The following COLEC12 variants were observed in gnomAD, a reference collection of about 807,000 sequenced individuals.
COLEC12 encodes collectin subfamily member 12.
In COLEC12, 33 loss-of-function variants were observed where a neutral mutation model predicts 71.1. The observed-to-expected ratio is 0.46, with a 90% confidence interval of 0.35 to 0.62. The LOEUF (loss-of-function observed/expected upper bound fraction) is 0.62, where lower values mean the gene tolerates loss of function less well. Ranked by LOEUF, COLEC12 falls within the 20% of genes least tolerant of loss-of-function variation. COLEC12 has a pLI of 0.00. For missense variants in COLEC12, 765 were observed against 916.1 expected (o/e 0.84, Z 2.13); for synonymous variants, 350 against 353.0 (o/e 0.99, Z 0.10).
At chr18:418,639 A>G (rs1272166078) in intron 2 of COLEC12, among the ~76,000 whole-genome samples, 2 of 152,144 alleles carry the variant, frequency 1.3e-5, no homozygotes, top group African/African-American at 4.8e-5. Flanking sequence ...ATCCACCAAA[A>G]CCAAGATGGC....
chr18:446,519 T>C (rs978630550), intron 2 of COLEC12, among the ~76,000 whole-genome samples: 11 of 144,674 alleles, frequency 7.6e-5, no homozygotes, highest in African/African-American at 2.8e-4. Context: ...CTGGGCAACA[T>C]AGCAAGACCC....
chr18:480,616 G>T lies in COLEC12; in HGVS notation c.58+91C>A. On this transcript the variant is annotated intron_variant, in intron 2 of 9. Coordinates refer to ENST00000400256, the MANE Select transcript of COLEC12 (RefSeq NM_130386.3). The surrounding 1 kb of genome is among the most constrained non-coding windows in gnomAD (Gnocchi z 4.1). Reference sequence around the variant, plus strand: ...CCACAAACACCCATGTGCATGAAGGGCCTGCCAGTGGCCTGCCAATGGTCT... The same window carrying T: ...CCACAAACACCCATGTGCATGAAGGTCCTGCCAGTGGCCTGCCAATGGTCT... The T allele has an allele frequency of 1.8e-6, 2 of 1,119,764 alleles. No homozygotes were observed. Among genetic ancestry groups the T allele is most frequent in the Non-Finnish European group, 2.7e-6 (2 of 729,504 alleles). 69.4% of individuals were successfully genotyped at this position (1,119,764 alleles called of 1,614,324 possible).
intron 2 of COLEC12, among the ~76,000 whole-genome samples, chr18:417,232 C>G (rs2143646865): frequency 6.6e-6 from 1 of 152,234 alleles, no homozygotes; most frequent in African/African-American, 2.4e-5. Flanking sequence ...TGCTACTGTA[C>G]TGAATACTGT....
chr18:476,276 T>C (rs2143763838), intron 2 of COLEC12, among the ~76,000 whole-genome samples: 1 of 152,386 alleles, frequency 6.6e-6, no homozygotes, highest in South Asian at 2.1e-4. Flanking sequence ...TTCTTGTTAC[T>C]GTTTCACAGT....
At chr18:412,952 A>C (rs1243984318) in intron 2 of COLEC12, among the ~76,000 whole-genome samples, 1 of 152,262 alleles carries the variant, frequency 6.6e-6, no homozygotes, top group Non-Finnish European at 1.5e-5. Context: ...AGCAGACCTA[A>C]GCCCTAACAT....
At chr18:409,007 A>AT (rs35512087) in intron 2 of COLEC12, among the ~76,000 whole-genome samples, 2,618 of 150,068 alleles carry the variant, frequency 0.017, 43 homozygotes, top group African/African-American at 0.044. Context: ...TAAATTTTGT[A>AT]TTTTTTTTTG....
chr18:372,237 G>T (rs181858112), intron 2 of COLEC12, among the ~76,000 whole-genome samples: 1 of 152,238 alleles, frequency 6.6e-6, no homozygotes, highest in African/African-American at 2.4e-5. Flanking sequence ...AGATTGAAAA[G>T]ACCAAACTGG....
intron 2 of COLEC12, among the ~76,000 whole-genome samples, chr18:373,273 G>A (rs1915040969): frequency 6.6e-6 from 1 of 152,162 alleles, no homozygotes; most frequent in Admixed American, 6.5e-5. Context: ...CAGTCATACG[G>A]TTATCCTTTT....
chr18:486,668 G>C (rs1032424240), intron 1 of COLEC12, among the ~76,000 whole-genome samples: 3 of 152,210 alleles, frequency 2.0e-5, no homozygotes, highest in African/African-American at 7.2e-5. Context: ...TGAAGCCTGT[G>C]CTAGCAGCCG....
At position 362,723 on chromosome 18, in the gene COLEC12, C is replaced by T. The variant is rs994504095; in HGVS notation, c.59-5201G>A. On this transcript the variant is annotated intron_variant, in intron 2 of 9. Coordinates refer to ENST00000400256, the MANE Select transcript of COLEC12 (RefSeq NM_130386.3). This position sits in a 1 kb window ranked among gnomAD's most constrained non-coding sequence, Gnocchi z 4.6. ...GTGCCAAAGAACCTGGCGCCAATAG[C>T]ACATTTGAAATTCAGAGGCCTACAG... Among the ~76,000 whole-genome samples, 4 of 152,122 alleles carry T rather than the reference C, an allele frequency of 2.6e-5. No individual in the cohort carries two copies. The highest frequency in any genetic ancestry group is 5.9e-5 in the Non-Finnish European group (4 of 68,018).
intron 2 of COLEC12, among the ~76,000 whole-genome samples, chr18:409,900 T>C (rs12961748): frequency 0.14 from 21,496 of 152,220 alleles, 2,020 homozygotes; most frequent in East Asian, 0.32. Context: ...TCTGTCCTCA[T>C]TGCGCTAATG....
At chr18:377,800 G>A (rs558888819) in intron 2 of COLEC12, among the ~76,000 whole-genome samples, 175 of 152,252 alleles carry the variant, frequency 1.1e-3, no homozygotes, top group Admixed American at 2.2e-3. Flanking sequence ...AAGAAAGACA[G>A]GGCCTGGATC....
chr18:384,338 T>C (rs1915297924), intron 2 of COLEC12, among the ~76,000 whole-genome samples: 1 of 151,842 alleles, frequency 6.6e-6, no homozygotes, highest in South Asian at 2.1e-4. Flanking sequence ...GCCACTAACT[T>C]GAGGAAGGCT....
intron 1 of COLEC12, among the ~76,000 whole-genome samples, chr18:486,699 T>C (rs528698519): frequency 2.6e-5 from 4 of 152,270 alleles, no homozygotes; most frequent in South Asian, 4.1e-4. Context: ...GAGGCAATGA[T>C]TGATATTGCA....
chr18:445,610 C>T (rs968904704), intron 2 of COLEC12, among the ~76,000 whole-genome samples: 4 of 150,604 alleles, frequency 2.7e-5, no homozygotes, highest in African/African-American at 9.8e-5. Flanking sequence ...ATACCTCTGC[C>T]AGCCCCCAGA....
At position 331,711 on chromosome 18, in the gene COLEC12, C is replaced by G; in HGVS notation, c.2020G>C (p.Glu674Gln). 6.2e-7 allele frequency: 1 copy of G among 1,614,034 alleles called. No individual in the cohort carries two copies. Among genetic ancestry groups the G allele is most frequent in the Non-Finnish European group, 8.5e-7 (1 of 1,179,872 alleles). ...HWIGLTDSER[E>Q]NEWKWLDGTS... ...CCATCCAGCCACTTCCATTCATTTT[C>G]ACGCTCTGAGTCTGTGAGGCCGATC... Residue 674 changes from glutamate (E) to glutamine (Q), a missense_variant, in exon 8 of 10, where the codon GAA becomes CAA. Glu to Gln is a conservative substitution (Grantham distance 29, BLOSUM62 2). Transcript: ENST00000400256.
rs9966195 is a variant in COLEC12 at position 317,376 on chromosome 18, T to A, written c.*2669A>T. 0.089 allele frequency: 13,521 copies of A among 152,224 alleles called. 618 individuals are homozygous for A. The highest frequency in any genetic ancestry group is 0.11 in the South Asian group (554 of 4,822). The allele number at this position is 152,224 out of a possible 1,614,324, so 9.4% of individuals were successfully genotyped here. A position where few individuals can be genotyped will look rare whatever the true frequency, so the allele number is the denominator to read the frequency against. Reference sequence around the variant, plus strand: ...TTCCTTCTAAAGAAAATTAGAACATTTTCAAAGCTTGCGTCTGAATCCTGT... The same window carrying A: ...TTCCTTCTAAAGAAAATTAGAACATATTCAAAGCTTGCGTCTGAATCCTGT... On this transcript the variant is annotated 3_prime_UTR_variant, in exon 10 of 10. Coordinates refer to ENST00000400256, the MANE Select transcript of COLEC12 (RefSeq NM_130386.3).
At chr18:448,622 AGTAACTG>A (rs1916699321) in intron 2 of COLEC12, among the ~76,000 whole-genome samples, 1 of 152,232 alleles carries the variant, frequency 6.6e-6, no homozygotes, top group African/African-American at 2.4e-5. Context: ...ATTCAAAAGA[AGTAACTG>A]CTGGTGGACT....
At chr18:483,090 A>G (rs1917454818) in intron 1 of COLEC12, among the ~76,000 whole-genome samples, 1 of 152,206 alleles carries the variant, frequency 6.6e-6, no homozygotes, top group Non-Finnish European at 1.5e-5. Context: ...CTTGTTTGTT[A>G]CAATGTATTT....
Sources: allele counts gnomAD v4.1 joint callset (sites outside exome capture counted in the v4.1 genomes callset), GRCh38; gene constraint gnomAD v4.1.1; non-coding constraint Gnocchi (gnomAD v3.1); transcripts MANE v1.5; gene names NCBI Gene and HGNC (gene_info 2026-07-23, HGNC 2026-07-21).